Variants in ZNF442 observed in about 807,000 individuals in gnomAD.
The protein encoded by ZNF442 is zinc finger protein 442.
Under a neutral mutation model 57.0 loss-of-function variants are expected in ZNF442, and 45 were observed. The observed-to-expected ratio is 0.79, with a 90% CI of 0.62 to 1.01. ZNF442 has a LOEUF of 1.01. Ranked by LOEUF, ZNF442 falls within the 50% of genes least tolerant of loss-of-function variation. The probability of loss-of-function intolerance (pLI) is 0.00; values close to 1 mark genes in which losing one functional copy is unlikely to be tolerated. For missense variants in ZNF442, 690 were observed against 756.5 expected, an observed-to-expected ratio of 0.91 and a Z score of 1.03; for synonymous variants, 213 against 241.8, an observed-to-expected ratio of 0.88 and a Z score of 1.10.
In ZNF442 at chr19:12,365,606, G is replaced by T; in HGVS notation, c.-556C>A. 1 of 331,440 alleles carries T rather than the reference G, an allele frequency of 3.0e-6. No individual in the cohort carries two copies. The highest frequency in any genetic ancestry group is 3.5e-5 in the South Asian group (1 of 28,750). The allele number at this position is 331,440 out of a possible 1,614,324, so 20.5% of individuals were successfully genotyped here. A position where few individuals can be genotyped will look rare whatever the true frequency, so the allele number is the denominator to read the frequency against. On this transcript the variant is annotated 5_prime_UTR_variant, in exon 1 of 6. The change creates a new upstream start codon in the 5' untranslated region. Transcript: ENST00000242804. Reference sequence around the variant, plus strand: ...TGCCAGCATAGGACTCAGCGTGACAGTGCCTGCCACTGACCTGCCAGGGCT... The same window carrying T: ...TGCCAGCATAGGACTCAGCGTGACATTGCCTGCCACTGACCTGCCAGGGCT...
chr19:12,373,655 G>A, the ZNF442 span: 136,386 of 290,202 alleles, frequency 0.47, 34,705 homozygotes, highest in East Asian at 0.89. Flanking sequence ...GGTCTGATCC[G>A]GAAATATGGT....
chr19:12,361,186 C>T (rs1296039856), intron 3 of ZNF442, among the ~76,000 whole-genome samples: 11 of 151,878 alleles, frequency 7.2e-5, no homozygotes, highest in African/African-American at 2.7e-4. Flanking sequence ...AGTGAAACTC[C>T]GTCTCAAAAA....
intron 2 of ZNF442, among the ~76,000 whole-genome samples, chr19:12,364,538 G>T (rs916380531): frequency 2.0e-5 from 3 of 152,056 alleles, no homozygotes; most frequent in Non-Finnish European, 4.4e-5. Context: ...TCATGATGTT[G>T]CTGTGAACTG....
At chr19:12,365,725 A>T (rs1008084471), upstream of ZNF442, 7 of 194,474 alleles carry the variant, frequency 3.6e-5, no homozygotes, top group East Asian at 2.5e-4. Flanking sequence ...GTTCCCAAGA[A>T]CTCGCCCCCA....
At position 12,350,787 on chromosome 19, in the gene ZNF442, T is replaced by C. The variant is rs1969217342; in HGVS notation, c.798A>G (p.Glu266=). ...ERTHTGEKPY[E]CKHCSKAFPD... is the part of the protein sequence containing the mutation. ...GGAAGGCTTTGGAACAGTGCTTGCA[T>C]TCATATGGTTTCTCCCCAGTGTGTG... The change falls in exon 6 of 6, where the codon GAA becomes GAG. Residue 266 remains glutamate, a synonymous_variant. Transcript: ENST00000242804. 1 of 1,614,158 alleles carries C rather than the reference T, an allele frequency of 6.2e-7. No homozygotes were observed. Among genetic ancestry groups the C allele is most frequent in the Non-Finnish European group, 8.5e-7 (1 of 1,180,026 alleles).
upstream of ZNF442, among the ~76,000 whole-genome samples, chr19:12,366,394 G>A (rs10427085): frequency 0.048 from 7,282 of 152,214 alleles, 585 homozygotes; most frequent in African/African-American, 0.17. Context: ...GACTCCTGAA[G>A]TTGAGTCCCA....
chr19:12,360,572 T>C (rs1969408079), intron 3 of ZNF442, among the ~76,000 whole-genome samples: 1 of 152,184 alleles, frequency 6.6e-6, no homozygotes, highest in Non-Finnish European at 1.5e-5. Flanking sequence ...TATTAGTTAG[T>C]TTAGTTAGTA....
rs1267663922 is a variant in ZNF442, at chr19:12,353,025, A to G, written c.168T>C (p.Asp56=). 23 of 1,612,098 alleles carry G rather than the reference A, an allele frequency of 1.4e-5. No individual in the cohort carries two copies. Among genetic ancestry groups the G allele is most frequent in the Non-Finnish European group, 2.0e-5 (23 of 1,179,456 alleles). ...GGTTCCTAATGGTTTCCCACATCAC[A>G]TCTCTGTACAGACTCTTCTGTGATG... ...LGPSQKSLYR[D]VMWETIRNLD... is the part of the protein sequence containing the mutation. Residue 56 remains aspartate, a synonymous_variant, in exon 4 of 6, where the codon GAT becomes GAC. Transcript: ENST00000242804.
rs537810108 is a variant in ZNF442 at position 12,355,689 on chromosome 19, C to T, written c.79-2575G>A. Among the ~76,000 whole-genome samples, 167 of 150,650 alleles carry T rather than the reference C, an allele frequency of 1.1e-3. 4 individuals carry two copies. The highest frequency in any genetic ancestry group is 0.01 in the Middle Eastern group (3 of 294). On this transcript the variant is annotated intron_variant, in intron 3 of 5. Transcript: ENST00000242804. ...TTTTCTTAAGTAAGAAAATAAAGGC[C>T]GGGCACGGTGGCTCACACCTATATT...
chr19:12,350,426 A>C lies in ZNF442; in HGVS notation c.1159T>G (p.Ser387Ala). 2 of 1,611,962 alleles carry C rather than the reference A, an allele frequency of 1.2e-6. No individual in the cohort carries two copies. The highest frequency in any genetic ancestry group is 1.7e-6 in the Non-Finnish European group (2 of 1,179,550). The change falls in exon 6 of 6, where the codon TCT becomes GCT. Residue 387 changes from serine (S) to alanine (A), a missense_variant. By Grantham distance (99) the Ser-to-Ala change is moderately conservative. Coordinates refer to ENST00000242804, the MANE Select transcript of ZNF442 (RefSeq NM_030824.3). ...YECKQCGKAL[S>A]HHSSFRSHMI... ...TGACTTCGAAAGCTTGAGTGATGAGATAACGCTTTCCCACACTGCTTGCAT... is the reference window on the plus strand; with the variant it reads ...TGACTTCGAAAGCTTGAGTGATGAGCTAACGCTTTCCCACACTGCTTGCAT...
rs1165801734 is a variant in ZNF442 at position 12,350,049 on chromosome 19, AGC to A, written c.1534_1535del (p.Ala512Ter). On this transcript the variant is annotated frameshift_variant, in exon 6 of 6. Coordinates refer to ENST00000242804, the MANE Select transcript of ZNF442 (RefSeq NM_030824.3). LOFTEE classifies it high-confidence loss of function. ...YLSQHRRTHMAEKPYECKTCK... is the reference protein window; with the variant it reads ...YLSQHRRTHMXEKPYECKTCK... ...ATGTTTTACATTCATAAGGTTTTTC[AGC>A]CATGTGAGTCCTTCTATGTTGAGAA... 1 of 1,613,712 alleles carries A rather than the reference AGC, an allele frequency of 6.2e-7. No individual in the cohort carries two copies. The highest frequency in any genetic ancestry group is 1.1e-5 in the South Asian group (1 of 91,070).
intron 3 of ZNF442, among the ~76,000 whole-genome samples, chr19:12,363,146 G>A (rs1041784083): frequency 5.8e-5 from 7 of 119,812 alleles, no homozygotes; most frequent in African/African-American, 2.0e-4. Flanking sequence ...GCAACAGTGC[G>A]AAGCTCCGTC....
At position 12,348,091 on chromosome 19, in the gene ZNF442, T is replaced by C. The variant is rs1215781311; in HGVS notation, c.*1610A>G. On this transcript the variant is annotated 3_prime_UTR_variant, in exon 6 of 6. Coordinates refer to ENST00000242804, the MANE Select transcript of ZNF442 (RefSeq NM_030824.3). ...AGGGCACGGTGGCTCATGCCTGTAA[T>C]CTCAGCACTTTGGGAGGCCGAGGCA... 1 of 152,170 alleles carries C rather than the reference T, an allele frequency of 6.6e-6. No individual in the cohort carries two copies. Among genetic ancestry groups the C allele is most frequent in the Non-Finnish European group, 1.5e-5 (1 of 68,056 alleles). The allele number at this position is 152,170 out of a possible 1,614,324, so 9.4% of individuals were successfully genotyped here.
At position 12,362,585 on chromosome 19, in the gene ZNF442, G is replaced by A. The variant is rs748533676; in HGVS notation, c.78+969C>T. ...CCCGGCCAGCCACCCCGTCCGGGAG[G>A]GAGGTGGGGGGCAGCCCCCGCCTGG... On this transcript the variant is annotated intron_variant, in intron 3 of 5. Transcript: ENST00000242804. 5.2e-4 allele frequency among the ~76,000 whole-genome samples: 78 copies of A among 149,494 alleles called. No homozygotes were observed. In the Middle Eastern group the frequency reaches 0.014, roughly 27 times the overall value.
upstream of ZNF442, among the ~76,000 whole-genome samples, chr19:12,370,421 C>T (rs889925473): frequency 1.5e-4 from 23 of 152,072 alleles, no homozygotes; most frequent in South Asian, 4.2e-4. Flanking sequence ...CTTACTCGCC[C>T]GCTGCTCACC....
upstream of ZNF442, among the ~76,000 whole-genome samples, chr19:12,369,902 CTAAAA>C (rs1227517545): frequency 6.7e-6 from 1 of 148,896 alleles, no homozygotes; most frequent in Non-Finnish European, 1.5e-5. Context: ...TAGACTCCAT[CTAAAA>C]AAAAAAAAAC....
At chr19:12,369,934 C>T (rs954307171), upstream of ZNF442, among the ~76,000 whole-genome samples, 1 of 151,374 alleles carries the variant, frequency 6.6e-6, no homozygotes, top group Non-Finnish European at 1.5e-5. Context: ...AGAAAGCTGC[C>T]GTGACTTTCT....
chr19:12,348,047 T>C lies in ZNF442; in HGVS notation c.*1654A>G, dbSNP rs1162169786. ...ACAGCCTCTGCAAGGTGAAAAGTAT[T>C]AAAGATTACAATCCTCGCAGGGCAC... is the stretch of plus-strand genomic sequence containing the variant. On this transcript the variant is annotated 3_prime_UTR_variant, in exon 6 of 6. Coordinates refer to ENST00000242804, the MANE Select transcript of ZNF442 (RefSeq NM_030824.3). 6.6e-6 allele frequency: 1 copy of C among 152,138 alleles called. No individual in the cohort carries two copies. Among genetic ancestry groups the C allele is most frequent in the Admixed American group, 6.6e-5 (1 of 15,260 alleles). 9.4% of individuals were successfully genotyped at this position (152,138 alleles called of 1,614,324 possible).
chr19:12,370,880 G>C (rs2144857697), upstream of ZNF442, among the ~76,000 whole-genome samples: 1 of 151,712 alleles, frequency 6.6e-6, no homozygotes, highest in South Asian at 2.1e-4. Flanking sequence ...GGCTGAGGCA[G>C]GAGAGTCGCT....
Sources: gnomAD v4.1 joint callset for allele counts (sites outside exome capture counted in the v4.1 genomes callset) on GRCh38, gnomAD v4.1.1 for gene constraint, MANE v1.5 for transcripts, NCBI Gene and HGNC (gene_info 2026-07-23, HGNC 2026-07-21) for gene names.